TMPRSS15: variants seen among roughly 807,000 people sequenced by gnomAD.
TMPRSS15 encodes enteropeptidase.
Under a neutral mutation model 125.3 loss-of-function variants are expected in TMPRSS15, and 128 were observed. The observed-to-expected ratio is 1.02, with a 90% CI of 0.89 to 1.18. TMPRSS15 has a LOEUF of 1.18. TMPRSS15 is among the 50% of genes most tolerant of loss of function. The pLI is 0.00. For missense variants in TMPRSS15, 1,283 were observed against 1,212.7 expected (o/e 1.06, Z -0.86); for synonymous variants, 446 against 423.2 (o/e 1.05, Z -0.66).
chr21:18,352,133 T>A lies in TMPRSS15; in HGVS notation c.1171+770A>T, dbSNP rs191207262. On this transcript the variant is annotated intron_variant, in intron 10 of 24. Coordinates refer to ENST00000284885, the MANE Select transcript of TMPRSS15 (RefSeq NM_002772.3). ...AGATTTGTAACTCTCACTTCAGTGA[T>A]TATATTTGGTATTATGAATATGTGT... Among the ~76,000 whole-genome samples, 3 of 152,186 alleles carry A rather than the reference T, an allele frequency of 2.0e-5. No homozygotes were observed. The East Asian group carries it at 5.8e-4, about 29-fold the overall frequency.
At chr21:18,391,586 A>G (rs1200313583) in intron 3 of TMPRSS15, among the ~76,000 whole-genome samples, 2 of 151,864 alleles carry the variant, frequency 1.3e-5, no homozygotes, top group East Asian at 3.9e-4. Context: ...CAGCTCCCCT[A>G]CCCCCACTGG....
Position 18,383,733 on chromosome 21 carries a change from C to G in TMPRSS15, c.390G>C (p.Trp130Cys), listed in dbSNP as rs753168111. 1.9e-6 allele frequency: 3 copies of G among 1,613,740 alleles called. No individual in the cohort carries two copies. The South Asian group carries it at 3.3e-5, about 18-fold the overall frequency. ...CTTCTTTTACATTTTCATCTGACACCCACTGGGCAAAGAAAAGGTCAAATA... is the reference window on the plus strand; with the variant it reads ...CTTCTTTTACATTTTCATCTGACACGCACTGGGCAAAGAAAAGGTCAAATA... ...IVVFDLFFAQ[W>C]VSDENVKEEL... The change falls in exon 4 of 25, where the codon TGG becomes TGC. Residue 130 changes from tryptophan to cysteine, a missense_variant. Transcript: ENST00000284885.
chr21:18,396,587 A>T (rs1317707437), intron 3 of TMPRSS15, among the ~76,000 whole-genome samples: 1 of 151,946 alleles, frequency 6.6e-6, no homozygotes, highest in East Asian at 1.9e-4. Context: ...ATCTTGGCTA[A>T]CATGGTGAAA....
intron 6 of TMPRSS15, among the ~76,000 whole-genome samples, chr21:18,365,618 C>CTT (rs10655381): frequency 0.64 from 42,967 of 67,610 alleles, 10,798 homozygotes; most frequent in Middle Eastern, 0.71. Context: ...TTCCTTTTCT[C>CTT]TCTTTCTTTC....
intron 18 of TMPRSS15, among the ~76,000 whole-genome samples, chr21:18,307,657 G>A (rs1375366486): frequency 1.3e-5 from 2 of 151,908 alleles, no homozygotes; most frequent in Non-Finnish European, 2.9e-5. Context: ...TCTGACCCAG[G>A]AATAATAATA....
chr21:18,456,319 C>T (rs1455293978), intron 1 of TMPRSS15, among the ~76,000 whole-genome samples: 2 of 152,032 alleles, frequency 1.3e-5, no homozygotes, highest in Non-Finnish European at 2.9e-5. Context: ...TTTCACTGAA[C>T]AACTACATAG....
At chr21:18,446,563 T>C (rs926469267) in intron 1 of TMPRSS15, among the ~76,000 whole-genome samples, 1 of 152,094 alleles carries the variant, frequency 6.6e-6, no homozygotes, top group Admixed American at 6.6e-5. Context: ...TACAAAGCTA[T>C]AGTAACCAAA....
intron 17 of TMPRSS15, among the ~76,000 whole-genome samples, 189 bp from the exon 18 acceptor site, chr21:18,313,266 T>C (rs1420436761): frequency 1.3e-5 from 2 of 152,086 alleles, no homozygotes; most frequent in Non-Finnish European, 2.9e-5. Context: ...AAATTTCAAA[T>C]TTTCTCATCA....
chr21:18,398,806 G>A (rs567248827), intron 1 of TMPRSS15, among the ~76,000 whole-genome samples: 26 of 152,204 alleles, frequency 1.7e-4, no homozygotes, highest in African/African-American at 6.0e-4. Flanking sequence ...AGATTTCAGT[G>A]TTTTGGTTAC....
At chr21:18,341,665 G>T in intron 12 of TMPRSS15, 117 bp from the exon 13 acceptor site, 1 of 1,112,604 alleles carries the variant, frequency 9.0e-7, no homozygotes, top group Non-Finnish European at 1.4e-6. Context: ...TTGTCACCTT[G>T]AACTATATGG....
chr21:18,319,191 A>G (rs1211075451), intron 16 of TMPRSS15, among the ~76,000 whole-genome samples: 1 of 152,116 alleles, frequency 6.6e-6, no homozygotes, highest in Admixed American at 6.5e-5. Flanking sequence ...TGAAGGTGCA[A>G]TTTAGCCATT....
At chr21:18,280,520 G>C (rs534417768) in intron 22 of TMPRSS15, among the ~76,000 whole-genome samples, 1 of 144,218 alleles carries the variant, frequency 6.9e-6, no homozygotes, top group Non-Finnish European at 1.5e-5. Flanking sequence ...AGGTTGCAGC[G>C]AGCCAAGACT....
chr21:18,384,949 T>C (rs1162337477), intron 3 of TMPRSS15, among the ~76,000 whole-genome samples: 1 of 152,188 alleles, frequency 6.6e-6, no homozygotes, highest in East Asian at 1.9e-4. Flanking sequence ...AGAATATTCC[T>C]GAAAGATCAC....
At position 18,287,004 on chromosome 21, in the gene TMPRSS15, A is replaced by T. The variant is rs187600993; in HGVS notation, c.2487-5783T>A. ...TCCTTCCATTTTCAATTGGTCTGTGACACTTTCTCCAACCACTGTATCGAA... is the reference window on the plus strand; with the variant it reads ...TCCTTCCATTTTCAATTGGTCTGTGTCACTTTCTCCAACCACTGTATCGAA... On this transcript the variant is annotated intron_variant, in intron 21 of 24. Transcript: ENST00000284885. Among the ~76,000 whole-genome samples, 4 of 152,272 alleles carry T rather than the reference A, an allele frequency of 2.6e-5. No homozygotes were observed. In the East Asian group the frequency reaches 7.7e-4, roughly 29 times the overall value.
intron 19 of TMPRSS15, 60 bp from the exon 20 acceptor site, chr21:18,294,712 A>T: frequency 7.0e-7 from 1 of 1,421,584 alleles, no homozygotes; most frequent in Middle Eastern, 2.2e-4. Context: ...CAAGTCAAAC[A>T]TCATATAGGT....
chr21:18,468,934 G>C (rs1978722202), intron 1 of TMPRSS15, among the ~76,000 whole-genome samples: 2 of 152,140 alleles, frequency 1.3e-5, no homozygotes, highest in Non-Finnish European at 2.9e-5. Context: ...GAGTACGCAG[G>C]CGTAGTCATA....
chr21:18,460,291 C>T (rs1978527631), intron 1 of TMPRSS15, among the ~76,000 whole-genome samples: 1 of 151,484 alleles, frequency 6.6e-6, no homozygotes, highest in Non-Finnish European at 1.5e-5. Flanking sequence ...TTTTTGGATA[C>T]CATTTTCTTC....
intron 1 of TMPRSS15, among the ~76,000 whole-genome samples, chr21:18,476,436 A>G (rs1279081311): frequency 6.6e-6 from 1 of 152,166 alleles, no homozygotes; most frequent in Admixed American, 6.6e-5. Flanking sequence ...AAAATGAACT[A>G]TAATATTAAA....
At chr21:18,335,604 C>T (rs2075384158) in intron 13 of TMPRSS15, among the ~76,000 whole-genome samples, 1 of 152,140 alleles carries the variant, frequency 6.6e-6, no homozygotes, top group African/African-American at 2.4e-5. Flanking sequence ...TTTTGAAATG[C>T]ATTTAAATCA....
Sources: allele counts gnomAD v4.1 joint callset (sites outside exome capture counted in the v4.1 genomes callset), GRCh38; gene constraint gnomAD v4.1.1; transcripts MANE v1.5; gene names NCBI Gene and HGNC (gene_info 2026-07-23, HGNC 2026-07-21).